CCDC178: variants seen among roughly 807,000 people sequenced by gnomAD.
CCDC178 encodes the protein coiled-coil domain-containing protein 178.
A neutral mutation model predicts 117.4 loss-of-function variants in CCDC178; 126 were observed. The ratio of observed to expected loss-of-function variants is 1.07; its 90% CI spans 0.93 to 1.24. CCDC178 has a LOEUF of 1.24. Ranked by LOEUF, CCDC178 falls within the 50% of genes most tolerant of loss-of-function variation. CCDC178 has a pLI of 0.00. For missense variants in CCDC178, 1,030 were observed against 986.9 expected, an observed-to-expected ratio of 1.04 and a Z score of -0.59; for synonymous variants, 283 against 313.4, an observed-to-expected ratio of 0.90 and a Z score of 1.02.
intron 21 of CCDC178, among the ~76,000 whole-genome samples, chr18:33,023,251 A>G (rs11662809): frequency 1 from 151,883 of 152,242 alleles, 75,763 homozygotes; most frequent in Non-Finnish European, 1. Flanking sequence ...ACATTTATAG[A>G]GACATTCCAT....
chr18:33,257,738 G>C (rs1324152909), intron 14 of CCDC178, among the ~76,000 whole-genome samples: 3 of 151,936 alleles, frequency 2.0e-5, no homozygotes, highest in Admixed American at 6.6e-5. Context: ...TCTCTTTTTA[G>C]ACATCTCAAA....
intron 2 of CCDC178, among the ~76,000 whole-genome samples, chr18:33,414,014 G>T (rs1320425170): frequency 1.3e-5 from 2 of 152,090 alleles, no homozygotes; most frequent in African/African-American, 4.8e-5. Context: ...CATACAAAAT[G>T]ACTATGTAAC....
intron 20 of CCDC178, among the ~76,000 whole-genome samples, chr18:33,134,568 A>G (rs746022091): frequency 2.0e-5 from 3 of 152,090 alleles, no homozygotes; most frequent in Non-Finnish European, 2.9e-5. Context: ...TTACATTTTC[A>G]TAGCTGAGTT....
intron 20 of CCDC178, among the ~76,000 whole-genome samples, chr18:33,199,076 A>T (rs2058964568): frequency 6.6e-6 from 1 of 152,038 alleles, no homozygotes; most frequent in Non-Finnish European, 1.5e-5. Flanking sequence ...TTCTCGGTAA[A>T]CAAGCTTAGC....
At chr18:33,136,879 A>G (rs1226301252) in intron 20 of CCDC178, among the ~76,000 whole-genome samples, 1 of 152,194 alleles carries the variant, frequency 6.6e-6, no homozygotes, top group Non-Finnish European at 1.5e-5. Flanking sequence ...TATGTGATCT[A>G]TTTATTCATT....
chr18:33,155,096 CTAAA>C (rs1364442352), intron 20 of CCDC178, among the ~76,000 whole-genome samples: 5 of 151,986 alleles, frequency 3.3e-5, no homozygotes, highest in South Asian at 2.1e-4. Context: ...AGAACTTCAC[CTAAA>C]TAGACAATAA....
intron 21 of CCDC178, among the ~76,000 whole-genome samples, chr18:33,037,970 T>A (rs987818966): frequency 2.0e-5 from 3 of 151,976 alleles, no homozygotes; most frequent in African/African-American, 7.2e-5. Context: ...ACAATTTGAA[T>A]TTCTCTTAAT....
chr18:33,339,328 A>G (rs754252171), intron 9 of CCDC178, among the ~76,000 whole-genome samples: 5 of 151,978 alleles, frequency 3.3e-5, no homozygotes, highest in Non-Finnish European at 7.4e-5. Flanking sequence ...GATAAACAAA[A>G]TTGACAAATC....
Position 33,267,315 on chromosome 18 carries a change from C to T in CCDC178, c.1177-18G>A. 7.0e-7 allele frequency: 1 copy of T among 1,429,510 alleles called. No individual in the cohort carries two copies. The highest frequency in any genetic ancestry group is 9.7e-7 in the Non-Finnish European group (1 of 1,035,910). 88.6% of individuals were successfully genotyped at this position (1,429,510 alleles called of 1,614,324 possible). ...TCTTCCAGCTAAGAAAGAAGATATA[C>T]AGAACAAAGTGAATTGTATAGCTTT... On this transcript the variant is annotated intron_variant, in intron 12 of 22. Coordinates refer to ENST00000383096, the MANE Select transcript of CCDC178 (RefSeq NM_001105528.4).
intron 20 of CCDC178, among the ~76,000 whole-genome samples, chr18:33,206,210 C>A (rs184075254): frequency 2.0e-5 from 3 of 151,828 alleles, no homozygotes; most frequent in Non-Finnish European, 4.4e-5. Context: ...ACATTAAATG[C>A]GATCACTATA....
At chr18:32,975,931 T>C (rs2055019975) in intron 21 of CCDC178, among the ~76,000 whole-genome samples, 1 of 152,134 alleles carries the variant, frequency 6.6e-6, no homozygotes, top group Non-Finnish European at 1.5e-5. Flanking sequence ...ATAAAACAAT[T>C]CACTTAACTA....
At chr18:33,374,831 T>C (rs966240904) in intron 5 of CCDC178, among the ~76,000 whole-genome samples, 2 of 152,206 alleles carry the variant, frequency 1.3e-5, no homozygotes, top group African/African-American at 2.4e-5. Context: ...CATGGATGAA[T>C]ATTACAGACA....
Position 33,223,142 on chromosome 18 carries a change from CT to C in CCDC178, c.1895del (p.Lys632ArgfsTer9). On this transcript the variant is annotated frameshift_variant, in exon 18 of 23. Coordinates refer to ENST00000383096, the MANE Select transcript of CCDC178 (RefSeq NM_001105528.4). LOFTEE classifies it high-confidence loss of function. ...TTAATGCATCAAGGGTTTTCTTCCC[CT>C]TTTTTCGTAATTTTTTCTTTACTTT... ...VGKVKKKLRK[K>X]GKKTLDALIE... 1 of 1,606,278 alleles carries C rather than the reference CT, an allele frequency of 6.2e-7. No homozygotes were observed.
intron 12 of CCDC178, among the ~76,000 whole-genome samples, chr18:33,280,219 T>TA (rs1464554449): frequency 6.6e-6 from 1 of 152,236 alleles, no homozygotes; most frequent in East Asian, 1.9e-4. Flanking sequence ...AAAGGGCTAA[T>TA]ATCCAGAATC....
intron 3 of CCDC178, among the ~76,000 whole-genome samples, chr18:33,409,278 T>G (rs565580986): frequency 6.6e-6 from 1 of 152,072 alleles, no homozygotes; most frequent in East Asian, 1.9e-4. Flanking sequence ...AAAGACAGGG[T>G]TTCACTCTGT....
At chr18:32,951,586 T>C (rs1404416062) in intron 22 of CCDC178, among the ~76,000 whole-genome samples, 1 of 152,202 alleles carries the variant, frequency 6.6e-6, no homozygotes, top group African/African-American at 2.4e-5. Flanking sequence ...ATGAAGACTA[T>C]AGGACTATAA....
At chr18:33,063,376 GCTGCCA>G (rs1181698762) in intron 21 of CCDC178, among the ~76,000 whole-genome samples, 1 of 152,152 alleles carries the variant, frequency 6.6e-6, no homozygotes, top group Non-Finnish European at 1.5e-5. Flanking sequence ...CTCCCAGACT[GCTGCCA>G]CTGCCCATAA....
chr18:33,396,475 A>C lies in CCDC178; in HGVS notation c.118+674T>G, dbSNP rs146917860. ...TGCCTTAGAGAAACTCACACAGGAT[A>C]TATGTACAAGGAGGTTTCTAGAAGC... On this transcript the variant is annotated intron_variant, in intron 4 of 22. Coordinates refer to ENST00000383096, the MANE Select transcript of CCDC178 (RefSeq NM_001105528.4). Among the ~76,000 whole-genome samples, 433 of 152,260 alleles carry C rather than the reference A, an allele frequency of 2.8e-3. 1 individual carries two copies. The highest frequency in any genetic ancestry group is 9.8e-3 in the African/African-American group (409 of 41,572).
chr18:33,440,293 G>T (rs1460838226), intron 1 of CCDC178, among the ~76,000 whole-genome samples: 1 of 92,992 alleles, frequency 1.1e-5, no homozygotes, highest in Non-Finnish European at 2.4e-5. Flanking sequence ...AGTGGGGACT[G>T]GGGGACTGGG....
Sources: allele counts gnomAD v4.1 joint callset (sites outside exome capture counted in the v4.1 genomes callset), GRCh38; gene constraint gnomAD v4.1.1; transcripts MANE v1.5; gene names NCBI Gene and HGNC (gene_info 2026-07-23, HGNC 2026-07-21).